The following PDXDC1 variants were observed in gnomAD, a reference collection of about 807,000 sequenced individuals.
PDXDC1 encodes pyridoxal dependent decarboxylase domain containing 1.
A neutral mutation model predicts 100.1 loss-of-function variants in PDXDC1; 42 were observed. The observed-to-expected ratio is 0.42, with a 90% confidence interval of 0.33 to 0.54. The LOEUF (loss-of-function observed/expected upper bound fraction) is 0.54. Ranked by LOEUF, PDXDC1 falls within the 20% of genes least tolerant of loss-of-function variation. The probability of loss-of-function intolerance (pLI) is 0.10; values close to 1 mark genes in which losing one functional copy is unlikely to be tolerated. For synonymous variants in PDXDC1, 260 were observed against 371.7 expected (o/e 0.70, Z 3.46); for missense variants, 636 against 979.2 (o/e 0.65, Z 4.68).
Position 15,032,925 on chromosome 16 carries a change from G to T in PDXDC1, c.1636G>T (p.Ala546Ser). ...AGATCCCGAAGGGGAAAACATCCAT[G>T]CTGGACTCCTGAAGAAGTTAAATGA... ...KSDPEGENIH[A>S]GLLKKLNELE... Residue 546 changes from alanine to serine, a missense_variant, in exon 18 of 23, where the codon GCT becomes TCT. By Grantham distance (99) the Ala-to-Ser change is moderately conservative. Coordinates refer to ENST00000396410, the MANE Select transcript of PDXDC1 (RefSeq NM_015027.4). 1 of 1,612,690 alleles carries T rather than the reference G, an allele frequency of 6.2e-7. No individual in the cohort carries two copies. Among genetic ancestry groups the T allele is most frequent in the Non-Finnish European group, 8.5e-7 (1 of 1,178,636 alleles).
intron 17 of PDXDC1, 174 bp from the exon 18 acceptor site, chr16:15,032,687 C>G (rs2043141209): frequency 5.0e-6 from 2 of 403,870 alleles, no homozygotes; most frequent in East Asian, 5.1e-5. Context: ...CTGTGACTTT[C>G]TCTTTACTCC....
chr16:15,038,780 G>T, downstream of PDXDC1: 1 of 671,924 alleles, frequency 1.5e-6, no homozygotes, highest in Non-Finnish European at 2.6e-6. Context: ...GTCCTTTCAT[G>T]CATTTATCTG....
Position 15,026,791 on chromosome 16 carries a change from A to G in PDXDC1, c.1204+85A>G, listed in dbSNP as rs2042636874. ...ACCATTTCAAGTTAAATAGTTCAAA[A>G]TATTTTTATTGCTGACAATCTTCAG... is the stretch of plus-strand genomic sequence containing the variant. On this transcript the variant is annotated intron_variant, in intron 14 of 22. Coordinates refer to ENST00000396410, the MANE Select transcript of PDXDC1 (RefSeq NM_015027.4). 2.3e-6 allele frequency: 3 copies of G among 1,316,400 alleles called. No individual in the cohort carries two copies. In the South Asian group the frequency reaches 3.8e-5, roughly 17 times the overall value. The allele number at this position is 1,316,400 out of a possible 1,614,324, so 81.5% of individuals were successfully genotyped here.
chr16:14,990,989 A>T (rs527291866), intron 1 of PDXDC1, among the ~76,000 whole-genome samples: 161 of 152,348 alleles, frequency 1.1e-3, no homozygotes, highest in Non-Finnish European at 9.7e-4. Context: ...TGATCCGTCA[A>T]CCTCGGCCTC....
the PDXDC1 span, chr16:15,150,826 C>T: frequency 1.6e-5 from 1 of 63,980 alleles, no homozygotes; most frequent in Non-Finnish European, 3.4e-5. Context: ...TGTCTGGGCG[C>T]GCTGGCTCAC....
At chr16:15,047,331 C>T in intron 16 of PDXDC1, 1 of 744,296 alleles carries the variant, frequency 1.3e-6, no homozygotes, top group African/African-American at 1.7e-5. Flanking sequence ...GGGAACGAGG[C>T]AGACACGGCA....
At chr16:15,087,604 T>C (rs1202600662) in intron 16 of PDXDC1, among the ~76,000 whole-genome samples, 1 of 152,148 alleles carries the variant, frequency 6.6e-6, no homozygotes, top group Non-Finnish European at 1.5e-5. Context: ...CCAAGTAGCC[T>C]GGCAGTAAAA....
chr16:15,046,212 T>A (rs1042321553), intron 16 of PDXDC1, among the ~76,000 whole-genome samples: 1 of 152,166 alleles, frequency 6.6e-6, no homozygotes, highest in African/African-American at 2.4e-5. Context: ...AGAGGGAGAA[T>A]TTAGAATCGA....
At chr16:14,980,374 C>G (rs1478123002) in intron 1 of PDXDC1, among the ~76,000 whole-genome samples, 2 of 152,266 alleles carry the variant, frequency 1.3e-5, no homozygotes, top group Non-Finnish European at 2.9e-5. Context: ...CAGCTCTATG[C>G]GACCTCTGCC....
At chr16:15,076,982 T>TC (rs2045485448) in intron 16 of PDXDC1, among the ~76,000 whole-genome samples, 1 of 147,740 alleles carries the variant, frequency 6.8e-6, no homozygotes, top group African/African-American at 2.5e-5. Flanking sequence ...CCAAATCACT[T>TC]TTTTTTTTTT....
At chr16:15,128,148 G>A (rs762953816) in intron 16 of PDXDC1, 154 of 1,609,654 alleles carry the variant, frequency 9.6e-5, no homozygotes, top group Admixed American at 4.3e-4. Context: ...GCAGAGGCGC[G>A]GGAGGGAGGT....
At chr16:15,143,413 T>C (rs910447944), downstream of PDXDC1, among the ~76,000 whole-genome samples, 4 of 152,210 alleles carry the variant, frequency 2.6e-5, no homozygotes, top group African/African-American at 9.6e-5. Context: ...AGGGCCAGCC[T>C]GCCGGCCCGA....
At chr16:15,140,399 G>GCGCCC (rs2048450353), downstream of PDXDC1, among the ~76,000 whole-genome samples, 1 of 142,034 alleles carries the variant, frequency 7.0e-6, no homozygotes. Context: ...AGCTGAGATC[G>GCGCCC]CGCCCCTGCA....
downstream of PDXDC1, chr16:15,038,504 C>T (rs529965268): frequency 5.4e-5 from 49 of 907,930 alleles, no homozygotes; most frequent in African/African-American, 7.2e-4. Flanking sequence ...TGGTCTAAAC[C>T]CTTTTTTTCT....
chr16:15,128,217 C>G (rs775279651), intron 16 of PDXDC1: 2 of 1,611,288 alleles, frequency 1.2e-6, no homozygotes, highest in South Asian at 1.1e-5. Flanking sequence ...AGGGTCCGCA[C>G]AGACCTTTGT....
intron 16 of PDXDC1, chr16:15,084,586 A>G (rs1597978218): frequency 1.6e-6 from 2 of 1,242,864 alleles, no homozygotes; most frequent in Non-Finnish European, 2.3e-6. Flanking sequence ...ATTTTTACTA[A>G]TTGATTACAA....
At chr16:15,026,204 G>C (rs139696962) in intron 13 of PDXDC1, 5,293 of 176,620 alleles carry the variant, frequency 0.03, 1 homozygote, top group African/African-American at 0.071. Flanking sequence ...AGAGTTCAAG[G>C]CCAGCCTGGA....
chr16:15,030,856 C>T (rs2043009146), intron 16 of PDXDC1, among the ~76,000 whole-genome samples: 1 of 152,060 alleles, frequency 6.6e-6, no homozygotes, highest in Non-Finnish European at 1.5e-5. Context: ...GGTTCTCACT[C>T]CCCACTGCAC....
intron 14 of PDXDC1, among the ~76,000 whole-genome samples, chr16:15,028,677 T>TA (rs1376141831): frequency 1.3e-5 from 2 of 152,306 alleles, no homozygotes; most frequent in Non-Finnish European, 2.9e-5. Context: ...AATTCTGTCT[T>TA]ATGTGAATGT....
Sources: allele counts gnomAD v4.1 joint callset (sites outside exome capture counted in the v4.1 genomes callset), GRCh38; gene constraint gnomAD v4.1.1; transcripts MANE v1.5; gene names NCBI Gene and HGNC (gene_info 2026-07-23, HGNC 2026-07-21).